CFAP251: variants seen among roughly 807,000 people sequenced by gnomAD.
CFAP251 encodes the protein cilia and flagella associated protein 251, also known as cilia- and flagella-associated protein 251.
A neutral mutation model predicts 126.7 loss-of-function variants in CFAP251; 93 were observed. The observed-to-expected ratio is 0.73, with a 90% CI of 0.62 to 0.87. The LOEUF (loss-of-function observed/expected upper bound fraction) is 0.87, where lower values mean the gene tolerates loss of function less well. CFAP251 is among the 40% of genes least tolerant of loss of function. The pLI is 0.00. For synonymous variants in CFAP251, 503 were observed against 506.9 expected (o/e 0.99, Z 0.10); for missense variants, 1,287 against 1,389.2 (o/e 0.93, Z 1.17).
At chr12:121,954,569 G>A (rs1283987932) in intron 10 of CFAP251, among the ~76,000 whole-genome samples, 3 of 134,514 alleles carry the variant, frequency 2.2e-5, no homozygotes, top group Non-Finnish European at 3.1e-5. Context: ...CCAGGAGTTC[G>A]AGGCTGCAAT....
intron 7 of CFAP251, among the ~76,000 whole-genome samples, chr12:121,946,452 G>A (rs1200158005): frequency 6.6e-6 from 1 of 152,190 alleles, no homozygotes; most frequent in Non-Finnish European, 1.5e-5. Context: ...CTTCAAGGAT[G>A]TGATTCTGTT....
intron 14 of CFAP251, 42 bp downstream of exon 14, chr12:121,960,800 G>A: frequency 6.2e-7 from 1 of 1,605,254 alleles, no homozygotes; most frequent in Non-Finnish European, 8.5e-7. Context: ...CCAAGACTGT[G>A]TCTCACTCTT....
chr12:121,920,203 AG>A (rs1880103994), intron 1 of CFAP251, among the ~76,000 whole-genome samples: 1 of 147,130 alleles, frequency 6.8e-6, no homozygotes, highest in South Asian at 2.1e-4. Flanking sequence ...AAAAAAAAAA[AG>A]GTTTCCCACA....
intron 5 of CFAP251, among the ~76,000 whole-genome samples, chr12:121,935,249 A>G (rs1880846186): frequency 6.6e-6 from 1 of 152,140 alleles, no homozygotes; most frequent in South Asian, 2.1e-4. Flanking sequence ...GAGCCACCGC[A>G]TCCGATCTCT....
intron 19 of CFAP251, chr12:121,992,395 G>C: frequency 1.0e-6 from 1 of 985,354 alleles, no homozygotes; most frequent in Non-Finnish European, 1.2e-6. Flanking sequence ...GAGAGTAAGA[G>C]GTGAATCACA....
At chr12:121,994,130 GC>G (rs1882965246) in intron 19 of CFAP251, among the ~76,000 whole-genome samples, 2 of 94,866 alleles carry the variant, frequency 2.1e-5, no homozygotes, top group South Asian at 4.7e-4. Flanking sequence ...TGCCCGGCCA[GC>G]CGCCCCGTCC....
intron 17 of CFAP251, chr12:121,969,616 G>A: frequency 6.5e-6 from 5 of 772,766 alleles, no homozygotes; most frequent in Non-Finnish European, 7.9e-6. Flanking sequence ...CTCCTGAGTA[G>A]CTGGGACCAC....
At chr12:121,970,711 G>A (rs925265886) in intron 17 of CFAP251, among the ~76,000 whole-genome samples, 4 of 152,244 alleles carry the variant, frequency 2.6e-5, no homozygotes, top group African/African-American at 9.6e-5. Flanking sequence ...TGAGAAGGTC[G>A]TTGGGATCGC....
At chr12:121,978,552 C>G (rs974724793) in intron 19 of CFAP251, among the ~76,000 whole-genome samples, 1 of 150,866 alleles carries the variant, frequency 6.6e-6, no homozygotes, top group African/African-American at 2.4e-5. Flanking sequence ...GGTAGATATC[C>G]TATCATTTTA....
At chr12:121,924,244 G>A (rs1880312336) in intron 3 of CFAP251, among the ~76,000 whole-genome samples, 1 of 151,840 alleles carries the variant, frequency 6.6e-6, no homozygotes, top group South Asian at 2.1e-4. Context: ...CGAGTAGCTA[G>A]GATTACAGGC....
Position 121,946,747 on chromosome 12 carries a change from ATT to A in CFAP251, c.1192-2224_1192-2223del, listed in dbSNP as rs1356735476. ...CAGGTGGCACCATCACACCTGGCTA[ATT>A]TTTTTTTTTTTTAGAGATGGGGTCT... is the stretch of plus-strand genomic sequence containing the variant. On this transcript the variant is annotated intron_variant, in intron 7 of 21. Transcript: ENST00000288912. Among the ~76,000 whole-genome samples the A allele has an allele frequency of 4.2e-5, 6 of 142,586 alleles. 1 individual carries two copies. Among genetic ancestry groups the A allele is most frequent in the Admixed American group, 2.8e-4 (4 of 14,128 alleles). The allele number at this position is 142,586 out of a possible 152,430, so 93.5% of individuals were successfully genotyped here.
intron 17 of CFAP251, chr12:121,969,440 C>G (rs1882260696): frequency 1.0e-6 from 1 of 985,280 alleles, no homozygotes; most frequent in Non-Finnish European, 1.2e-6. Context: ...TGCCTGGAAC[C>G]ATGGGGGCAA....
At chr12:121,975,013 A>G (rs1376137626) in intron 17 of CFAP251, among the ~76,000 whole-genome samples, 1 of 152,196 alleles carries the variant, frequency 6.6e-6, no homozygotes, top group Non-Finnish European at 1.5e-5. Flanking sequence ...CATCAAGAGA[A>G]TATCACCATA....
intron 4 of CFAP251, 28 bp downstream of exon 4, chr12:121,931,914 G>A (rs888281545): frequency 6.7e-7 from 1 of 1,492,430 alleles, no homozygotes. Context: ...TCCTACAGGT[G>A]GGGGAGTTGT....
In CFAP251 at chr12:121,968,131, G is replaced by A; in HGVS notation, c.2733G>A (p.Gly911=). 1 of 1,612,092 alleles carries A rather than the reference G, an allele frequency of 6.2e-7. No homozygotes were observed. The highest frequency in any genetic ancestry group is 1.1e-5 in the South Asian group (1 of 90,986). Residue 911 remains glycine, a synonymous_variant, in exon 17 of 22, where the codon GGG becomes GGA. Transcript: ENST00000288912. ...GCTGCTACGCCTTCACTGCGGGAGG[G>A]CACGATCGCTCGGTGGTGCAGTGGA... is the stretch of plus-strand genomic sequence containing the variant. ...YDGCYAFTAG[G]HDRSVVQWKI... is the part of the protein sequence containing the mutation.
chr12:121,995,539 C>G lies in CFAP251; in HGVS notation c.3007-4177C>G, dbSNP rs180890926. On this transcript the variant is annotated intron_variant, in intron 19 of 21. Transcript: ENST00000288912. ...TTTTTTTTTGAGACAGGTTCTCACT[C>G]TGGCCCAAGCTGGAGTGCAGTGGCA... Among the ~76,000 whole-genome samples the G allele has an allele frequency of 1.4e-4, 21 of 152,142 alleles. No individual in the cohort carries two copies. The East Asian group carries it at 3.5e-3, about 25-fold the overall frequency.
intron 19 of CFAP251, among the ~76,000 whole-genome samples, chr12:121,981,910 G>C (rs866872192): frequency 2.2e-5 from 2 of 90,230 alleles, no homozygotes; most frequent in Non-Finnish European, 7.3e-5. Context: ...CATAATAGTA[G>C]TACCTACCTC....
chr12:121,989,728 G>T lies in CFAP251; in HGVS notation c.3007-9988G>T, dbSNP rs996966196. On this transcript the variant is annotated intron_variant, in intron 19 of 21. Transcript: ENST00000288912. The surrounding 1 kb of genome is among the most constrained non-coding windows in gnomAD (Gnocchi z 4.2). ...TTGGGAAGAGGGCGTGGGGAAGAGGGTGAGTGCTCCCAGTCCTACTGGTCC... is the reference window on the plus strand; with the variant it reads ...TTGGGAAGAGGGCGTGGGGAAGAGGTTGAGTGCTCCCAGTCCTACTGGTCC... Among the ~76,000 whole-genome samples, 5 of 152,128 alleles carry T rather than the reference G, an allele frequency of 3.3e-5. No individual in the cohort carries two copies.
intron 15 of CFAP251, among the ~76,000 whole-genome samples, chr12:121,965,688 A>G (rs1394147281): frequency 6.6e-6 from 1 of 152,244 alleles, no homozygotes; most frequent in Non-Finnish European, 1.5e-5. Context: ...CATGAATAGC[A>G]TAATTCTATT....
Sources: allele counts gnomAD v4.1 joint callset (sites outside exome capture counted in the v4.1 genomes callset), GRCh38; gene constraint gnomAD v4.1.1; non-coding constraint Gnocchi (gnomAD v3.1); transcripts MANE v1.5; gene names NCBI Gene and HGNC (gene_info 2026-07-23, HGNC 2026-07-21).